Variants in ATP10B observed in about 807,000 individuals in gnomAD.
ATP10B encodes phospholipid-transporting ATPase VB.
A neutral mutation model predicts 141.2 loss-of-function variants in ATP10B; 122 were observed. The observed-to-expected ratio is 0.86, with a 90% CI of 0.75 to 1.00. The LOEUF is 1.00. Among genes scored for constraint, ATP10B ranks in the 50% least tolerant of loss-of-function variants. The probability of loss-of-function intolerance (pLI) is 0.00; values close to 1 mark genes in which losing one functional copy is unlikely to be tolerated. For missense variants in ATP10B, 1,876 were observed against 1,825.3 expected, an observed-to-expected ratio of 1.03 and a Z score of -0.51; for synonymous variants, 685 against 692.0, an observed-to-expected ratio of 0.99 and a Z score of 0.16.
At chr5:160,578,820 T>C (rs539774351) in intron 24 of ATP10B, among the ~76,000 whole-genome samples, 1 of 151,374 alleles carries the variant, frequency 6.6e-6, no homozygotes, top group South Asian at 2.1e-4. Context: ...GTGTAAAAGT[T>C]TTCTCCACAT....
At chr5:160,877,635 C>T in the ATP10B span, among the ~76,000 whole-genome samples, 6 of 149,788 alleles carry the variant, frequency 4.0e-5, no homozygotes, top group East Asian at 2.0e-4. Flanking sequence ...TCTAGAAAAC[C>T]CCATTGTCTC....
rs1757415516 is a variant in ATP10B, at chr5:160,606,761, G to T, written c.3160+4C>A. On this transcript the variant is annotated splice_donor_region_variant and intron_variant, in intron 19 of 25. Coordinates refer to ENST00000327245, the MANE Select transcript of ATP10B (RefSeq NM_025153.3). ...TGCCACCCGCATCTCAGTATGATGG[G>T]TACCTATGGAAAGGGTCATGACGCG... The T allele has an allele frequency of 6.2e-7, 1 of 1,610,728 alleles. No homozygotes were observed. The highest frequency in any genetic ancestry group is 1.7e-5 in the Admixed American group (1 of 59,936).
chr5:160,916,079 G>A, the ATP10B span, among the ~76,000 whole-genome samples: 2 of 152,304 alleles, frequency 1.3e-5, no homozygotes, highest in East Asian at 3.9e-4. Context: ...CACTGAGGTA[G>A]GAACTTTATA....
At chr5:160,860,400 A>G in the ATP10B span, among the ~76,000 whole-genome samples, 1 of 151,922 alleles carries the variant, frequency 6.6e-6, no homozygotes, top group Non-Finnish European at 1.5e-5. Context: ...ACTAAATGAG[A>G]TAAGTTTAAT....
chr5:160,887,198 A>G, the ATP10B span, among the ~76,000 whole-genome samples: 2 of 152,378 alleles, frequency 1.3e-5, no homozygotes, highest in South Asian at 4.1e-4. Context: ...ACCAAAATCC[A>G]GAGATGCTCA....
intron 1 of ATP10B, among the ~76,000 whole-genome samples, chr5:160,797,948 GAAAA>G (rs34913318): frequency 0.35 from 44,407 of 127,484 alleles, 6,860 homozygotes; most frequent in East Asian, 0.57. Flanking sequence ...AAGAAAAAAA[GAAAA>G]AAAAAAAAAA....
chr5:160,606,730 C>A, intron 19 of ATP10B, 35 bp downstream of exon 19: 1 of 1,588,912 alleles, frequency 6.3e-7, no homozygotes, highest in African/African-American at 1.3e-5. Flanking sequence ...ATCATCCCTG[C>A]CAAAGTGCCA....
At chr5:160,576,944 T>C (rs1338092696) in intron 24 of ATP10B, among the ~76,000 whole-genome samples, 2 of 152,100 alleles carry the variant, frequency 1.3e-5, no homozygotes, top group African/African-American at 2.4e-5. Context: ...TGTTGGCACA[T>C]TGGAGATAGG....
chr5:160,655,754 T>C (rs867355899), intron 7 of ATP10B, among the ~76,000 whole-genome samples: 1 of 152,208 alleles, frequency 6.6e-6, no homozygotes, highest in African/African-American at 2.4e-5. Flanking sequence ...TAGTCTTCCG[T>C]TCATTCATGC....
chr5:160,644,223 C>T lies in ATP10B; in HGVS notation c.783G>A (p.Arg261=). ...KGYMEHPDQT[R]TGFGCESLLL... ...GAAGACTCTCACAGCCAAAGCCAGT[C>T]CTGGTCTGGTCAGGATGCTCCCTGG... Residue 261 remains arginine (R), a synonymous_variant, in exon 9 of 26, where the codon AGG becomes AGA. Transcript: ENST00000327245. The T allele has an allele frequency of 6.2e-7, 1 of 1,613,882 alleles. No individual in the cohort carries two copies. Among genetic ancestry groups the T allele is most frequent in the Non-Finnish European group, 8.5e-7 (1 of 1,179,902 alleles).
chr5:160,629,028 T>C (rs1386592129), intron 13 of ATP10B, among the ~76,000 whole-genome samples: 3 of 152,268 alleles, frequency 2.0e-5, no homozygotes, highest in Middle Eastern at 3.4e-3. Context: ...AGCCAACAAC[T>C]GGCTTCTTTA....
Position 160,598,777 on chromosome 5 carries a change from T to G in ATP10B, c.3557A>C (p.Asn1186Thr). The G allele has an allele frequency of 6.2e-7, 1 of 1,613,992 alleles. No homozygotes were observed. The highest frequency in any genetic ancestry group is 8.5e-7 in the Non-Finnish European group (1 of 1,179,942). ...ALPELYKSGQ[N>T]SECYNLSTFW... The stretch of plus-strand genomic sequence containing the variant: ...GCTGCCCGATCTCCTTACCTCAGAG[T>G]TCTGGCCACTCTTGTATAGCTCAGG... The change falls in exon 22 of 26, where the codon AAC becomes ACC. Residue 1186 changes from asparagine to threonine, a missense_variant. Asn to Thr is a moderately conservative substitution (Grantham distance 65). Coordinates refer to ENST00000327245, the MANE Select transcript of ATP10B (RefSeq NM_025153.3).
chr5:160,572,075 G>T (rs1011038631), intron 24 of ATP10B, among the ~76,000 whole-genome samples: 2 of 152,108 alleles, frequency 1.3e-5, no homozygotes, highest in African/African-American at 4.8e-5. Flanking sequence ...TCATTTTTGG[G>T]ATAGTTGCCA....
intron 3 of ATP10B, among the ~76,000 whole-genome samples, chr5:160,695,860 C>G (rs1764326768): frequency 6.6e-6 from 1 of 151,898 alleles, no homozygotes; most frequent in Admixed American, 6.6e-5. Flanking sequence ...AAGCACTCTA[C>G]CCTGAGGACA....
intron 22 of ATP10B, 82 bp from the exon 23 acceptor site, chr5:160,591,221 G>T: frequency 8.6e-7 from 1 of 1,158,372 alleles, no homozygotes; most frequent in Non-Finnish European, 1.3e-6. Flanking sequence ...GCATGTGGCT[G>T]CGACAGACAA....
chr5:160,858,116 T>A, the ATP10B span, among the ~76,000 whole-genome samples: 1 of 151,852 alleles, frequency 6.6e-6, no homozygotes, highest in South Asian at 2.1e-4. Flanking sequence ...CTCCTTTCAG[T>A]CATATTGGTT....
In ATP10B at chr5:160,841,407, G is replaced by T. The variant is rs145422364; in HGVS notation, c.-576+10534C>A. The stretch of plus-strand genomic sequence containing the variant: ...ATCTTTACAAAGAGAAACCCAGGAA[G>T]TCAATGACAAGAACAACATTGGCTC... On this transcript the variant is annotated intron_variant, in intron 1 of 25. Coordinates refer to ENST00000327245, the MANE Select transcript of ATP10B (RefSeq NM_025153.3). 1.2e-4 allele frequency among the ~76,000 whole-genome samples: 18 copies of T among 152,264 alleles called. No individual in the cohort carries two copies. In the East Asian group the frequency reaches 3.3e-3, roughly 28 times the overall value.
At chr5:160,800,894 C>A (rs1475253531) in intron 1 of ATP10B, among the ~76,000 whole-genome samples, 1 of 152,188 alleles carries the variant, frequency 6.6e-6, no homozygotes, top group South Asian at 2.1e-4. Flanking sequence ...ATTTCCCTTT[C>A]ATTTGAAGCC....
At chr5:160,666,273 C>G (rs747390451) in intron 7 of ATP10B, among the ~76,000 whole-genome samples, 1 of 152,130 alleles carries the variant, frequency 6.6e-6, no homozygotes, top group Non-Finnish European at 1.5e-5. Context: ...AGTCCCTACT[C>G]AGTCCTAGTG....
Sources: gnomAD v4.1 joint callset for allele counts (sites outside exome capture counted in the v4.1 genomes callset) on GRCh38, gnomAD v4.1.1 for gene constraint, MANE v1.5 for transcripts, NCBI Gene and HGNC (gene_info 2026-07-23, HGNC 2026-07-21) for gene names.